The following DPF3 variants were observed in gnomAD, a reference collection of about 807,000 sequenced individuals.
DPF3 encodes zinc finger protein DPF3.
A neutral mutation model predicts 56.8 loss-of-function variants in DPF3; 18 were observed. That is an observed-to-expected ratio of 0.32 (90% CI 0.22 to 0.47). The LOEUF (loss-of-function observed/expected upper bound fraction) is 0.47, where lower values mean the gene tolerates loss of function less well. DPF3 is among the 20% of genes least tolerant of loss of function. DPF3 has a pLI of 1.00. For synonymous variants in DPF3, 188 were observed against 180.2 expected (o/e 1.04, Z -0.35); for missense variants, 403 against 488.8 (o/e 0.82, Z 1.65).
chr14:72,648,838 C>T (rs1040736672), intron 8 of DPF3, among the ~76,000 whole-genome samples: 1 of 152,068 alleles, frequency 6.6e-6, no homozygotes, highest in Non-Finnish European at 1.5e-5. Context: ...TAAAAGCTCC[C>T]ATCTTCCAAA....
intron 8 of DPF3, among the ~76,000 whole-genome samples, chr14:72,648,009 CT>C (rs1356443217): frequency 1.3e-5 from 2 of 152,156 alleles, no homozygotes; most frequent in Admixed American, 6.5e-5. Context: ...CTGCCTACCC[CT>C]CTACCCCTTT....
intron 6 of DPF3, among the ~76,000 whole-genome samples, chr14:72,696,664 A>C (rs762300360): frequency 7.2e-5 from 11 of 152,236 alleles, no homozygotes; most frequent in Non-Finnish European, 1.2e-4. Context: ...AAAGTCTACA[A>C]AACCAAACCT....
At chr14:72,850,675 C>T (rs113308640) in intron 1 of DPF3, among the ~76,000 whole-genome samples, 27 of 152,288 alleles carry the variant, frequency 1.8e-4, no homozygotes, top group Admixed American at 4.6e-4. Context: ...ATTCTCCTCA[C>T]GTCACCCCAA....
intron 1 of DPF3, among the ~76,000 whole-genome samples, chr14:72,873,570 T>C (rs542981674): frequency 6.6e-6 from 1 of 152,364 alleles, no homozygotes; most frequent in South Asian, 2.1e-4. Context: ...ATCCCATTAC[T>C]GGGTATATAC....
chr14:72,679,031 C>T (rs542795560), intron 7 of DPF3, among the ~76,000 whole-genome samples: 37 of 152,342 alleles, frequency 2.4e-4, no homozygotes, highest in African/African-American at 8.9e-4. Flanking sequence ...CATCACCACG[C>T]TCAGGGAAGC....
At chr14:72,842,082 G>C (rs2140069381) in intron 1 of DPF3, among the ~76,000 whole-genome samples, 1 of 138,478 alleles carries the variant, frequency 7.2e-6, no homozygotes, top group South Asian at 2.4e-4. Context: ...GTGAGACCCT[G>C]TCTCTAAGAA....
intron 8 of DPF3, among the ~76,000 whole-genome samples, chr14:72,640,407 C>T (rs535723337): frequency 6.6e-6 from 1 of 152,264 alleles, no homozygotes; most frequent in East Asian, 1.9e-4. Flanking sequence ...CTAAATCCAT[C>T]TATTCAATGA....
At chr14:72,672,386 C>T (rs892346815) in intron 8 of DPF3, among the ~76,000 whole-genome samples, 4 of 152,192 alleles carry the variant, frequency 2.6e-5, no homozygotes, top group African/African-American at 9.7e-5. Context: ...CCATACTCTT[C>T]TCTGGAAGGA....
chr14:72,884,971 T>TATATATATATATA (rs10523148), intron 1 of DPF3, among the ~76,000 whole-genome samples: 210 of 111,490 alleles, frequency 1.9e-3, no homozygotes, highest in Non-Finnish European at 2.3e-3. Context: ...TATATATATA[T>TATATATATATATA]TAGCCGGGCG....
intron 8 of DPF3, among the ~76,000 whole-genome samples, chr14:72,664,149 G>C (rs113458084): frequency 3.9e-5 from 6 of 152,132 alleles, no homozygotes; most frequent in African/African-American, 1.4e-4. Flanking sequence ...ACCTCCCACA[G>C]AACGCCTGCC....
At chr14:72,723,530 G>T in intron 5 of DPF3, 103 bp downstream of exon 5, 1 of 1,001,148 alleles carries the variant, frequency 1.0e-6, no homozygotes, top group South Asian at 1.7e-5. Context: ...CTCCATGTAA[G>T]ACCATGGCCA....
intron 8 of DPF3, among the ~76,000 whole-genome samples, chr14:72,647,099 G>A (rs1402967881): frequency 6.6e-6 from 1 of 152,104 alleles, no homozygotes; most frequent in South Asian, 2.1e-4. Flanking sequence ...GCTCAATGAG[G>A]GCTCGAAAGC....
chr14:72,877,335 T>C (rs1320367864), intron 1 of DPF3, among the ~76,000 whole-genome samples: 1 of 152,172 alleles, frequency 6.6e-6, no homozygotes, highest in African/African-American at 2.4e-5. Flanking sequence ...GGAGCTTTTA[T>C]ACTATCCAGA....
Position 72,665,873 on chromosome 14 carries a change from G to GT in DPF3, c.871+8366dup, listed in dbSNP as rs200934329. On this transcript the variant is annotated intron_variant, in intron 8 of 10. Transcript: ENST00000556509. ...TATGGGAATTCTTGGTAAAATCTTT[G>GT]TAAGTTTTTTGTAAGTGTAAATTAT... Among the ~76,000 whole-genome samples, 314 of 152,126 alleles carry GT rather than the reference G, an allele frequency of 2.1e-3. 3 individuals carry two copies. The highest frequency in any genetic ancestry group is 7.4e-3 in the African/African-American group (306 of 41,442).
At chr14:72,683,326 CAAA>C (rs56087517) in intron 7 of DPF3, among the ~76,000 whole-genome samples, 8 of 79,600 alleles carry the variant, frequency 1.0e-4, no homozygotes, top group Admixed American at 3.0e-4. Flanking sequence ...GACCCCATCT[CAAA>C]AAAAAAAAAA....
At chr14:72,738,957 C>T (rs1001006816) in intron 3 of DPF3, among the ~76,000 whole-genome samples, 2 of 151,950 alleles carry the variant, frequency 1.3e-5, no homozygotes, top group African/African-American at 4.8e-5. Context: ...AATAAAAATG[C>T]AGGCTGGGAG....
At chr14:72,801,846 G>A (rs1892904850) in intron 1 of DPF3, among the ~76,000 whole-genome samples, 1 of 152,184 alleles carries the variant, frequency 6.6e-6, no homozygotes. Context: ...AGGGACTGAA[G>A]GTGTAGGACA....
intron 1 of DPF3, among the ~76,000 whole-genome samples, chr14:72,809,953 C>T (rs10133018): frequency 0.97 from 147,246 of 152,274 alleles, 71,234 homozygotes; most frequent in East Asian, 1. Flanking sequence ...GATATAAAAG[C>T]GTCTGCTTCT....
chr14:72,772,249 T>A (rs890061138), intron 1 of DPF3, among the ~76,000 whole-genome samples: 2 of 152,194 alleles, frequency 1.3e-5, no homozygotes, highest in Non-Finnish European at 2.9e-5. Flanking sequence ...GCATGGAATC[T>A]AGAGGACATC....
Sources: gnomAD v4.1 joint callset for allele counts (sites outside exome capture counted in the v4.1 genomes callset) on GRCh38, gnomAD v4.1.1 for gene constraint, MANE v1.5 for transcripts, NCBI Gene and HGNC (gene_info 2026-07-23, HGNC 2026-07-21) for gene names.